The following WWC1 variants were observed in gnomAD, a reference collection of about 807,000 sequenced individuals.
WWC1 encodes WW and C2 domain containing 1, also known as protein KIBRA.
WWC1 carries 55 observed loss-of-function variants against 138.4 expected under a neutral mutation model. The ratio of observed to expected loss-of-function variants is 0.40; its 90% CI spans 0.32 to 0.50. WWC1 has a LOEUF of 0.50. Ranked by LOEUF, WWC1 falls within the 20% of genes least tolerant of loss-of-function variation. WWC1 has a pLI of 0.72. For missense variants in WWC1, 1,226 were observed against 1,420.4 expected (o/e 0.86, Z 2.20); for synonymous variants, 524 against 564.9 (o/e 0.93, Z 1.03).
intron 1 of WWC1, among the ~76,000 whole-genome samples, chr5:168,337,410 T>C (rs76770955): frequency 0.027 from 4,140 of 152,250 alleles, 196 homozygotes; most frequent in African/African-American, 0.094. Context: ...GCTGGCAATG[T>C]CAAGACATTT....
intron 1 of WWC1, among the ~76,000 whole-genome samples, chr5:168,355,936 G>A (rs1775375361): frequency 2.1e-5 from 3 of 139,610 alleles, no homozygotes; most frequent in Admixed American, 7.3e-5. Flanking sequence ...GAGAGACGGG[G>A]AGCCAGAGAG....
chr5:168,467,817 A>G (rs1582407929), intron 21 of WWC1, 23 bp from the exon 22 acceptor site: 2 of 1,614,044 alleles, frequency 1.2e-6, no homozygotes, highest in East Asian at 4.5e-5. Flanking sequence ...CCACTGACTC[A>G]GGGCCTTGCT....
chr5:168,428,648 C>T (rs1055685121), intron 12 of WWC1, 59 bp from the exon 13 acceptor site: 4 of 1,556,692 alleles, frequency 2.6e-6, no homozygotes, highest in African/African-American at 2.7e-5. Context: ...ACCTCAGCCT[C>T]CCAGAATAGT....
intron 1 of WWC1, among the ~76,000 whole-genome samples, chr5:168,294,035 C>G (rs1483380469): frequency 6.6e-6 from 1 of 152,082 alleles, no homozygotes; most frequent in Non-Finnish European, 1.5e-5. Context: ...AATTTAGGTC[C>G]CTGTAGTTTA....
rs1231209558 is a variant in WWC1 at position 168,414,525 on chromosome 5, C to T, written c.1119C>T (p.Ala373=). 6.4e-7 allele frequency: 1 copy of T among 1,556,092 alleles called. No individual in the cohort carries two copies. Among genetic ancestry groups the T allele is most frequent in the Non-Finnish European group, 8.7e-7 (1 of 1,149,478 alleles). The part of the protein sequence containing the change: ...TQGEVEQLEM[A]RKRLEKDLQA... ...GGGAGGTGGAGCAGCTGGAGATGGCCCGGAAGCGGCTGGAAAAGGACCTGC... is the reference window on the plus strand; with the variant it reads ...GGGAGGTGGAGCAGCTGGAGATGGCTCGGAAGCGGCTGGAAAAGGACCTGC... The change falls in exon 9 of 23, where the codon GCC becomes GCT. Residue 373 remains alanine (A), a synonymous_variant. Coordinates refer to ENST00000265293, the MANE Select transcript of WWC1 (RefSeq NM_015238.3).
At chr5:168,423,095 G>A (rs190830993) in intron 10 of WWC1, among the ~76,000 whole-genome samples, 65 of 134,610 alleles carry the variant, frequency 4.8e-4, no homozygotes, top group Admixed American at 1.9e-3. Context: ...GCAGTGAGCC[G>A]AGATCGCCCC....
chr5:168,464,324 G>T (rs531262322), intron 20 of WWC1, among the ~76,000 whole-genome samples: 39 of 152,198 alleles, frequency 2.6e-4, no homozygotes, highest in Non-Finnish European at 2.6e-4. Context: ...CGTACATATG[G>T]AGGGTGCTGA....
intron 9 of WWC1, among the ~76,000 whole-genome samples, chr5:168,419,681 A>G (rs1780933210): frequency 6.6e-6 from 1 of 152,228 alleles, no homozygotes; most frequent in African/African-American, 2.4e-5. Context: ...AGACTAGTCT[A>G]GTAGACACAT....
intron 2 of WWC1, among the ~76,000 whole-genome samples, chr5:168,384,168 T>C (rs569670833): frequency 1.3e-4 from 12 of 94,234 alleles, no homozygotes; most frequent in Admixed American, 4.5e-4. Flanking sequence ...TGAACACTTA[T>C]TTCTGTGTGA....
chr5:168,354,249 C>T (rs552776781), intron 1 of WWC1, among the ~76,000 whole-genome samples: 2 of 152,076 alleles, frequency 1.3e-5, no homozygotes, highest in Non-Finnish European at 2.9e-5. Flanking sequence ...TAGGGATTCA[C>T]CATGTTGGTC....
chr5:168,375,966 G>T (rs73390783), intron 2 of WWC1, among the ~76,000 whole-genome samples: 1,876 of 152,118 alleles, frequency 0.012, 31 homozygotes, highest in African/African-American at 0.042. Context: ...ATGATTAGAT[G>T]GTTTTAATCA....
intron 17 of WWC1, among the ~76,000 whole-genome samples, 199 bp downstream of exon 17, chr5:168,444,784 T>TTTCG (rs1300996921): frequency 3.3e-5 from 5 of 152,118 alleles, no homozygotes; most frequent in African/African-American, 1.2e-4. Context: ...GAATTTGCCA[T>TTTCG]TTCGTTTCCC....
chr5:168,355,494 CAAAAAAAAAAAAA>C (rs564674062), intron 1 of WWC1, among the ~76,000 whole-genome samples: 2 of 66,530 alleles, frequency 3.0e-5, no homozygotes, highest in Non-Finnish European at 5.5e-5. Flanking sequence ...GACTCCGTCT[CAAAAAAAAAAAAA>C]AAAAAAAAAA....
chr5:168,458,417 C>T (rs1022981656), intron 19 of WWC1, among the ~76,000 whole-genome samples: 1 of 152,154 alleles, frequency 6.6e-6, no homozygotes, highest in Non-Finnish European at 1.5e-5. Flanking sequence ...CTTCCACTGG[C>T]CTCTGCACAA....
At chr5:168,457,350 A>G (rs1756429709) in intron 19 of WWC1, among the ~76,000 whole-genome samples, 1 of 152,104 alleles carries the variant, frequency 6.6e-6, no homozygotes, top group South Asian at 2.1e-4. Flanking sequence ...TATAGCAGGG[A>G]ACAATTTAAC....
intron 3 of WWC1, among the ~76,000 whole-genome samples, chr5:168,390,150 A>G (rs960171993): frequency 1.3e-5 from 2 of 151,700 alleles, no homozygotes; most frequent in Non-Finnish European, 2.9e-5. Context: ...AGTTTTCTTC[A>G]TCTATAAAAT....
At chr5:168,340,007 T>TTCTC (rs1305641557) in intron 1 of WWC1, among the ~76,000 whole-genome samples, 16 of 93,132 alleles carry the variant, frequency 1.7e-4, no homozygotes, top group East Asian at 5.1e-4. Flanking sequence ...CTTTCTCTCT[T>TTCTC]TCTTTCTTTT....
chr5:168,353,625 T>C (rs531584739), intron 1 of WWC1, among the ~76,000 whole-genome samples: 249 of 152,322 alleles, frequency 1.6e-3, no homozygotes, highest in Non-Finnish European at 3.1e-3. Flanking sequence ...TGGACCATGA[T>C]CTAGAGGGCT....
At chr5:168,370,924 C>T (rs1776706565) in intron 1 of WWC1, among the ~76,000 whole-genome samples, 1 of 152,312 alleles carries the variant, frequency 6.6e-6, no homozygotes, top group African/African-American at 2.4e-5. Flanking sequence ...AGGGATGGAA[C>T]ATCTGCTATT....
Sources: gnomAD v4.1 joint callset for allele counts (sites outside exome capture counted in the v4.1 genomes callset) on GRCh38, gnomAD v4.1.1 for gene constraint, MANE v1.5 for transcripts, NCBI Gene and HGNC (gene_info 2026-07-23, HGNC 2026-07-21) for gene names.